The following CALCRL variants were observed in gnomAD, a reference collection of about 807,000 sequenced individuals.
The protein encoded by CALCRL is calcitonin gene-related peptide type 1 receptor.
A neutral mutation model predicts 60.4 loss-of-function variants in CALCRL; 27 were observed. The ratio of observed to expected loss-of-function variants is 0.45; its 90% CI spans 0.33 to 0.62. CALCRL has a LOEUF of 0.62. Among genes scored for constraint, CALCRL ranks in the 20% least tolerant of loss-of-function variants. CALCRL has a pLI of 0.03. For missense variants in CALCRL, 424 were observed against 540.7 expected, an observed-to-expected ratio of 0.78 and a Z score of 2.14; for synonymous variants, 190 against 182.6, an observed-to-expected ratio of 1.04 and a Z score of -0.33.
chr2:187,436,281 C>T (rs1449977959), intron 1 of CALCRL, among the ~76,000 whole-genome samples: 1 of 152,108 alleles, frequency 6.6e-6, no homozygotes, highest in Non-Finnish European at 1.5e-5. Flanking sequence ...GCATCATCTC[C>T]ATCTGTCCAT....
At chr2:187,412,718 T>C (rs1183382358) in intron 1 of CALCRL, among the ~76,000 whole-genome samples, 1 of 152,076 alleles carries the variant, frequency 6.6e-6, no homozygotes, top group African/African-American at 2.4e-5. Flanking sequence ...AGAGTGAGAG[T>C]TGAATCAAGC....
chr2:187,376,397 C>T (rs969241795), intron 8 of CALCRL, among the ~76,000 whole-genome samples: 5 of 151,814 alleles, frequency 3.3e-5, no homozygotes, highest in Non-Finnish European at 5.9e-5. Context: ...CCTTGATGCC[C>T]GGATCAGTTG....
chr2:187,346,995 A>G (rs1417007199), intron 14 of CALCRL, among the ~76,000 whole-genome samples: 8 of 151,760 alleles, frequency 5.3e-5, no homozygotes, highest in Non-Finnish European at 8.8e-5. Flanking sequence ...ACAAATAATT[A>G]TAAATCTGGT....
intron 1 of CALCRL, among the ~76,000 whole-genome samples, chr2:187,436,847 T>C (rs541645136): frequency 2.0e-5 from 3 of 152,346 alleles, no homozygotes; most frequent in Non-Finnish European, 4.4e-5. Flanking sequence ...TCTCCTTTTA[T>C]CTTCTCTTTC....
chr2:187,385,753 G>A (rs1688179443), intron 3 of CALCRL, 122 bp from the exon 4 acceptor site: 2 of 634,044 alleles, frequency 3.2e-6, no homozygotes, highest in Admixed American at 6.7e-5. Context: ...TTAAAGATTT[G>A]ATAAATCATT....
intron 1 of CALCRL, among the ~76,000 whole-genome samples, chr2:187,407,906 A>T (rs868381606): frequency 1.3e-5 from 2 of 152,214 alleles, no homozygotes; most frequent in African/African-American, 4.8e-5. Context: ...CTTGTTTTGC[A>T]TGGTGCATTA....
At chr2:187,403,872 A>G (rs1689001242) in intron 1 of CALCRL, among the ~76,000 whole-genome samples, 1 of 151,910 alleles carries the variant, frequency 6.6e-6, no homozygotes, top group South Asian at 2.1e-4. Context: ...TTAAAAATAG[A>G]TCTTCCAGTG....
chr2:187,370,137 T>C (rs1687459846), intron 8 of CALCRL, among the ~76,000 whole-genome samples: 1 of 152,200 alleles, frequency 6.6e-6, no homozygotes, highest in African/African-American at 2.4e-5. Context: ...ATGTAAGACC[T>C]TCTTGGTTTT....
chr2:187,397,601 G>A (rs985231510), intron 1 of CALCRL, among the ~76,000 whole-genome samples: 7 of 151,518 alleles, frequency 4.6e-5, no homozygotes, highest in African/African-American at 9.7e-5. Flanking sequence ...TGAATATAGT[G>A]CATAGTTGTG....
intron 12 of CALCRL, among the ~76,000 whole-genome samples, chr2:187,352,746 T>G (rs1433623606): frequency 3.3e-5 from 5 of 151,876 alleles, no homozygotes; most frequent in Non-Finnish European, 2.9e-5. Context: ...ATCATGTCCA[T>G]ATGACATACT....
At chr2:187,430,754 A>C (rs1478709005) in intron 1 of CALCRL, among the ~76,000 whole-genome samples, 2 of 152,144 alleles carry the variant, frequency 1.3e-5, no homozygotes, top group African/African-American at 4.8e-5. Context: ...ATTATGAAAA[A>C]GTTTTACATC....
intron 8 of CALCRL, among the ~76,000 whole-genome samples, chr2:187,367,307 A>G (rs185398324): frequency 2.8e-4 from 43 of 152,196 alleles, no homozygotes; most frequent in Non-Finnish European, 4.9e-4. Context: ...ACATCATTTC[A>G]TTTTGTGTTG....
chr2:187,398,833 A>C (rs1258230991), intron 1 of CALCRL, among the ~76,000 whole-genome samples: 1 of 151,708 alleles, frequency 6.6e-6, no homozygotes, highest in Non-Finnish European at 1.5e-5. Flanking sequence ...AAATGTTAAA[A>C]AATGTGGTCA....
chr2:187,347,598 CTTG>C lies in CALCRL; in HGVS notation c.1171-1202_1171-1200del, dbSNP rs1246458264. Among the ~76,000 whole-genome samples, 16 of 151,694 alleles carry C rather than the reference CTTG, an allele frequency of 1.1e-4. No homozygotes were observed. The South Asian group carries it at 3.3e-3, about 31-fold the overall frequency. On this transcript the variant is annotated intron_variant, in intron 14 of 14. Coordinates refer to ENST00000392370, the MANE Select transcript of CALCRL (RefSeq NM_005795.6). The stretch of plus-strand genomic sequence containing the variant: ...ATCTTTAAAAAGGGCTTACTTCTCT[CTTG>C]TTATTTCCTAGTCTAATGGATTAAA...
At chr2:187,357,645 T>G in intron 12 of CALCRL, among the ~76,000 whole-genome samples, 1 of 94,060 alleles carries the variant, frequency 1.1e-5, no homozygotes, top group Non-Finnish European at 2.0e-5. Flanking sequence ...ACCTATGTTG[T>G]GGGGTCGGGG....
intron 1 of CALCRL, among the ~76,000 whole-genome samples, chr2:187,416,788 C>T (rs1364326349): frequency 1.3e-5 from 2 of 151,952 alleles, no homozygotes; most frequent in Non-Finnish European, 2.9e-5. Context: ...ACGTGAATTA[C>T]AATAATAAAA....
intron 1 of CALCRL, among the ~76,000 whole-genome samples, chr2:187,407,135 G>A (rs1338586378): frequency 1.3e-5 from 2 of 151,634 alleles, no homozygotes; most frequent in African/African-American, 2.4e-5. Flanking sequence ...CCCCACTAAA[G>A]GTAAAAGCTA....
In CALCRL at chr2:187,352,178, C is replaced by T. The variant is rs372206644; in HGVS notation, c.1064G>A (p.Arg355Gln). ...CTCCTCTGCAATCTTTCCTTCAGGT[C>T]GCCATGGAATCAGCACAAATTCAAT... ...LGIEFVLIPW[R>Q]PEGKIAEEVY... is the part of the protein sequence containing the mutation. Residue 355 changes from arginine (R) to glutamine (Q), a missense_variant, in exon 13 of 15, where the codon CGA becomes CAA. Arg to Gln is a conservative substitution (Grantham distance 43, BLOSUM62 1). Coordinates refer to ENST00000392370, the MANE Select transcript of CALCRL (RefSeq NM_005795.6). The T allele has an allele frequency of 1.3e-5, 21 of 1,612,308 alleles. No individual in the cohort carries two copies. The highest frequency in any genetic ancestry group is 1.8e-5 in the Non-Finnish European group (21 of 1,178,922).
rs75561293 is a variant in CALCRL, at chr2:187,424,329, C to A, written c.-293+23710G>T. Among the ~76,000 whole-genome samples, 522 of 152,056 alleles carry A rather than the reference C, an allele frequency of 3.4e-3. 12 individuals are homozygous for A. The East Asian group carries it at 0.054, about 16-fold the overall frequency. On this transcript the variant is annotated intron_variant, in intron 1 of 14. Coordinates refer to ENST00000392370, the MANE Select transcript of CALCRL (RefSeq NM_005795.6). ...TGGGTTTTCCTTTGTGAGCTATCTA[C>A]AGCAATGTGAGAGAGCGAGTACATT...
Sources: allele counts gnomAD v4.1 joint callset (sites outside exome capture counted in the v4.1 genomes callset), GRCh38; gene constraint gnomAD v4.1.1; transcripts MANE v1.5; gene names NCBI Gene and HGNC (gene_info 2026-07-23, HGNC 2026-07-21).